ZNF713: variants seen among roughly 807,000 people sequenced by gnomAD.
ZNF713 encodes the protein zinc finger protein 713.
ZNF713 carries 21 observed loss-of-function variants against 28.7 expected under a neutral mutation model. The observed-to-expected ratio is 0.73, with a 90% CI of 0.52 to 1.05. The LOEUF is 1.05. Among genes scored for constraint, ZNF713 ranks in the 50% least tolerant of loss-of-function variants. The pLI, the probability that ZNF713 is intolerant of heterozygous loss-of-function variation, is 0.00. For synonymous variants in ZNF713, 167 were observed against 178.0 expected, an observed-to-expected ratio of 0.94 and a Z score of 0.49; for missense variants, 458 against 532.4, an observed-to-expected ratio of 0.86 and a Z score of 1.37.
At chr7:55,914,967 G>C (rs568309622) in intron 4 of ZNF713, among the ~76,000 whole-genome samples, 10 of 152,294 alleles carry the variant, frequency 6.6e-5, no homozygotes, top group African/African-American at 2.4e-4. Context: ...TGATTCTCCT[G>C]CCTCAGCCTC....
chr7:55,918,182 C>T (rs908812130), intron 4 of ZNF713: 1 of 450,600 alleles, frequency 2.2e-6, no homozygotes, highest in Non-Finnish European at 4.5e-6. Flanking sequence ...CTAAACCCGA[C>T]CACCTTGTCA....
At chr7:55,914,962 C>G (rs1785853081) in intron 4 of ZNF713, among the ~76,000 whole-genome samples, 1 of 152,206 alleles carries the variant, frequency 6.6e-6, no homozygotes, top group Non-Finnish European at 1.5e-5. Flanking sequence ...TCAAGTGATT[C>G]TCCTGCCTCA....
intron 4 of ZNF713, 126 bp downstream of exon 4, chr7:55,912,849 AT>A (rs1785810540): frequency 1.4e-6 from 1 of 703,102 alleles, no homozygotes; most frequent in African/African-American, 1.8e-5. Flanking sequence ...GTGACAGATG[AT>A]ATACTCTCCA....
intron 4 of ZNF713, among the ~76,000 whole-genome samples, chr7:55,913,192 T>C (rs572362201): frequency 2.9e-5 from 4 of 136,958 alleles, no homozygotes; most frequent in Admixed American, 8.4e-5. Context: ...TCTGTTTTGA[T>C]TCCTTTTTTT....
rs900515751 is a variant in ZNF713 at position 55,935,596 on chromosome 7, C to T, written c.308-3386C>T. On this transcript the variant is annotated intron_variant, in intron 6 of 6. Coordinates refer to ENST00000429591, the MANE Select transcript of ZNF713 (RefSeq NM_182633.3). The stretch of plus-strand genomic sequence containing the variant: ...TAGGTGTAGGAACCCTCACCCACAT[C>T]TCCATGAGCATAGGAAATGGCCTCA... Among the ~76,000 whole-genome samples, 3 of 152,164 alleles carry T rather than the reference C, an allele frequency of 2.0e-5. No homozygotes were observed. In the East Asian group the frequency reaches 5.8e-4, roughly 29 times the overall value.
At chr7:55,897,285 C>G (rs922234846) in intron 1 of ZNF713, among the ~76,000 whole-genome samples, 1 of 150,368 alleles carries the variant, frequency 6.7e-6, no homozygotes, top group African/African-American at 2.5e-5. Context: ...GGGTCTCACT[C>G]TTTCACCTAG....
chr7:55,939,074 G>T lies in ZNF713; in HGVS notation c.400G>T (p.Ala134Ser). The T allele has an allele frequency of 6.2e-7, 1 of 1,613,982 alleles. No individual in the cohort carries two copies. The highest frequency in any genetic ancestry group is 1.1e-5 in the South Asian group (1 of 91,054). The change falls in exon 7 of 7, where the codon GCA becomes TCA. Residue 134 changes from alanine to serine, a missense_variant. Ala to Ser is a moderately conservative substitution (Grantham distance 99, BLOSUM62 1). Coordinates refer to ENST00000429591, the MANE Select transcript of ZNF713 (RefSeq NM_182633.3). The part of the protein sequence containing the change: ...QTHEMIMERL[A>S]GDSFWYSILG... ...CCATGAGATGATAATGGAGAGACTC[G>T]CAGGAGACAGCTTCTGGTACTCCAT... is the stretch of plus-strand genomic sequence containing the variant.
rs562671212 is a variant in ZNF713, at chr7:55,941,069, C to G, written c.*1063C>G. 5 of 151,138 alleles carry G rather than the reference C, an allele frequency of 3.3e-5. No homozygotes were observed. The highest frequency in any genetic ancestry group is 5.9e-5 in the Non-Finnish European group (4 of 67,882). 9.4% of individuals were successfully genotyped at this position (151,138 alleles called of 1,614,324 possible). On this transcript the variant is annotated 3_prime_UTR_variant, in exon 7 of 7. Transcript: ENST00000429591. ...ACTCCTGACCTTGTGATCTGCCCGC[C>G]TCGGCCTCCCAAAGTGCTGGGATTA...
intron 6 of ZNF713, among the ~76,000 whole-genome samples, chr7:55,929,022 C>T (rs1159818415): frequency 6.6e-6 from 1 of 151,436 alleles, no homozygotes; most frequent in Non-Finnish European, 1.5e-5. Context: ...CCTGTAGTCC[C>T]AGCCACTCAA....
At chr7:55,919,158 A>G (rs1471379369) in intron 4 of ZNF713, among the ~76,000 whole-genome samples, 1 of 152,362 alleles carries the variant, frequency 6.6e-6, no homozygotes, top group East Asian at 1.9e-4. Flanking sequence ...ACTGTTAAAT[A>G]TAAGTGAACA....
At chr7:55,895,191 G>C (rs1186732896) in intron 1 of ZNF713, among the ~76,000 whole-genome samples, 1 of 152,128 alleles carries the variant, frequency 6.6e-6, no homozygotes. Flanking sequence ...CAAAGTGAGA[G>C]CTGATGGTGG....
intron 4 of ZNF713, chr7:55,918,303 T>C: frequency 3.9e-6 from 1 of 257,852 alleles, no homozygotes; most frequent in South Asian, 4.0e-5. Flanking sequence ...GCCTTGTGAG[T>C]AAGCCATCTT....
chr7:55,927,071 G>A (rs1786110296), intron 6 of ZNF713, among the ~76,000 whole-genome samples: 1 of 152,090 alleles, frequency 6.6e-6, no homozygotes, highest in African/African-American at 2.4e-5. Context: ...GAACCTGGGA[G>A]GTAGAGGTTG....
In ZNF713 at chr7:55,926,124, A is replaced by G. The variant is rs1168736496; in HGVS notation, c.307+2425A>G. ...GAGATCAGGAGTTCAAGCCTGGCCA[A>G]CATGGTGAAACCCCATCTCTACTAA... On this transcript the variant is annotated intron_variant, in intron 6 of 6. Transcript: ENST00000429591. Among the ~76,000 whole-genome samples, 7 of 152,268 alleles carry G rather than the reference A, an allele frequency of 4.6e-5. No individual in the cohort carries two copies. The East Asian group carries it at 1.4e-3, about 29-fold the overall frequency.
At chr7:55,893,520 G>A (rs768703127) in intron 1 of ZNF713, among the ~76,000 whole-genome samples, 4 of 152,096 alleles carry the variant, frequency 2.6e-5, no homozygotes, top group Non-Finnish European at 5.9e-5. Context: ...CAGGGAATTA[G>A]GGTAATATTT....
chr7:55,909,219 A>G (rs1436991153), intron 2 of ZNF713, among the ~76,000 whole-genome samples: 1 of 151,576 alleles, frequency 6.6e-6, no homozygotes, highest in Non-Finnish European at 1.5e-5. Flanking sequence ...AAAAAAAAAA[A>G]AGATAGGAGT....
chr7:55,932,108 C>T (rs980226234), intron 6 of ZNF713, among the ~76,000 whole-genome samples: 5 of 152,204 alleles, frequency 3.3e-5, no homozygotes, highest in African/African-American at 4.8e-5. Flanking sequence ...TCAGGTATAA[C>T]TGTAATCACA....
chr7:55,923,238 A>T lies in ZNF713; in HGVS notation c.164A>T (p.Asn55Ile), dbSNP rs1023676133. The T allele has an allele frequency of 6.2e-7, 1 of 1,613,514 alleles. No homozygotes were observed. The highest frequency in any genetic ancestry group is 8.5e-7 in the Non-Finnish European group (1 of 1,179,896). The change falls in exon 5 of 7, where the codon AAC becomes ATC. Residue 55 changes from asparagine (N) to isoleucine (I), a missense_variant. Physicochemically the swap from Asn to Ile is moderately radical, Grantham distance 149. Coordinates refer to ENST00000429591, the MANE Select transcript of ZNF713 (RefSeq NM_182633.3). ...EWDQLYPAQK[N>I]LYRDVMLENY... ...GACCAGCTGTACCCTGCCCAAAAGA[A>T]CCTCTATCGAGACGTGATGCTGGAG...
At chr7:55,893,046 C>T (rs1310795000) in intron 1 of ZNF713, among the ~76,000 whole-genome samples, 2 of 151,696 alleles carry the variant, frequency 1.3e-5, no homozygotes, top group Non-Finnish European at 2.9e-5. Context: ...CCACGCCCGG[C>T]TAATTTTTTT....
Sources: allele counts gnomAD v4.1 joint callset (sites outside exome capture counted in the v4.1 genomes callset), GRCh38; gene constraint gnomAD v4.1.1; transcripts MANE v1.5; gene names NCBI Gene and HGNC (gene_info 2026-07-23, HGNC 2026-07-21).